The following EPHA5 variants were observed in gnomAD, a reference collection of about 807,000 sequenced individuals.
The protein encoded by EPHA5 is ephrin type-A receptor 5.
A neutral mutation model predicts 105.0 loss-of-function variants in EPHA5; 60 were observed. The observed-to-expected ratio is 0.57, with a 90% CI of 0.46 to 0.71. The LOEUF is 0.71. Ranked by LOEUF, EPHA5 falls within the 30% of genes least tolerant of loss-of-function variation. The pLI is 0.00. For missense variants in EPHA5, 1,218 were observed against 1,274.7 expected, an observed-to-expected ratio of 0.96 and a Z score of 0.68; for synonymous variants, 513 against 449.1, an observed-to-expected ratio of 1.14 and a Z score of -1.80.
chr4:65,538,200 C>T (rs1278754058), intron 3 of EPHA5, among the ~76,000 whole-genome samples: 1 of 151,692 alleles, frequency 6.6e-6, no homozygotes, highest in Non-Finnish European at 1.5e-5. Flanking sequence ...GGAGATATAT[C>T]TAATTGCCAA....
chr4:65,350,954 G>A (rs1722754248), intron 13 of EPHA5, among the ~76,000 whole-genome samples: 1 of 151,850 alleles, frequency 6.6e-6, no homozygotes, highest in South Asian at 2.1e-4. Context: ...GTATAATGCA[G>A]AGAGCTTAAA....
chr4:65,508,758 A>G (rs956939082), intron 3 of EPHA5, among the ~76,000 whole-genome samples: 11 of 152,082 alleles, frequency 7.2e-5, no homozygotes, highest in Admixed American at 1.3e-4. Flanking sequence ...TTTTAAAAGC[A>G]TAGATAGCTA....
chr4:65,538,843 G>T (rs1736545548), intron 3 of EPHA5, among the ~76,000 whole-genome samples: 1 of 151,582 alleles, frequency 6.6e-6, no homozygotes, highest in Non-Finnish European at 1.5e-5. Context: ...GACTTCTTTT[G>T]CCCTCTTGTC....
At chr4:65,492,306 ACT>A (rs1731483801) in intron 4 of EPHA5, among the ~76,000 whole-genome samples, 1 of 150,902 alleles carries the variant, frequency 6.6e-6, no homozygotes, top group Non-Finnish European at 1.5e-5. Context: ...GGTTCAAATG[ACT>A]CTCCTGCCTC....
intron 1 of EPHA5, among the ~76,000 whole-genome samples, chr4:65,655,573 G>T (rs1309181693): frequency 6.6e-6 from 1 of 152,010 alleles, no homozygotes; most frequent in Admixed American, 6.6e-5. Flanking sequence ...TGATATAATT[G>T]CAAACTAGTT....
At chr4:65,451,274 A>G (rs904195538) in intron 5 of EPHA5, among the ~76,000 whole-genome samples, 1 of 152,164 alleles carries the variant, frequency 6.6e-6, no homozygotes, top group Non-Finnish European at 1.5e-5. Flanking sequence ...ATTTGTTCTT[A>G]CAATATGTTT....
At chr4:65,613,588 T>A (rs1744967914) in intron 2 of EPHA5, among the ~76,000 whole-genome samples, 1 of 152,066 alleles carries the variant, frequency 6.6e-6, no homozygotes, top group African/African-American at 2.4e-5. Context: ...GAGATTTTTT[T>A]AGCCACTTAG....
chr4:65,462,728 A>G (rs1728245909), intron 5 of EPHA5, among the ~76,000 whole-genome samples: 1 of 152,220 alleles, frequency 6.6e-6, no homozygotes, highest in Admixed American at 6.5e-5. Flanking sequence ...GGCATTAGCA[A>G]TAGAATTTAT....
intron 5 of EPHA5, among the ~76,000 whole-genome samples, chr4:65,479,572 G>A (rs1433423712): frequency 6.6e-6 from 1 of 152,112 alleles, no homozygotes; most frequent in African/African-American, 2.4e-5. Flanking sequence ...TCTCATATTT[G>A]AGAAAACAAT....
chr4:65,362,241 TC>T (rs5858956), intron 11 of EPHA5, among the ~76,000 whole-genome samples: 76,458 of 151,286 alleles, frequency 0.51, 19,921 homozygotes, highest in East Asian at 0.78. Context: ...TACTTCAGAC[TC>T]CCTACCTCAA....
intron 3 of EPHA5, among the ~76,000 whole-genome samples, chr4:65,574,484 T>A (rs1740595015): frequency 6.7e-6 from 1 of 149,236 alleles, no homozygotes; most frequent in Non-Finnish European, 1.5e-5. Flanking sequence ...GTTAAATATT[T>A]GTGTAAATAA....
intron 3 of EPHA5, chr4:65,574,363 A>C (rs1339890043): frequency 1.1e-6 from 1 of 925,022 alleles, no homozygotes; most frequent in Non-Finnish European, 1.5e-6. Flanking sequence ...GCTGACTACA[A>C]AAAAAAAATA....
rs1719740221 is a variant in EPHA5 at position 65,322,780 on chromosome 4, T to A, written c.*1334A>T. Reference sequence around the variant, plus strand: ...AAACATCCATTAAAAATAAAACTTATCAATTATTGAAATAAAATTCTGAAG... The same window carrying A: ...AAACATCCATTAAAAATAAAACTTAACAATTATTGAAATAAAATTCTGAAG... On this transcript the variant is annotated 3_prime_UTR_variant, in exon 17 of 17. Transcript: ENST00000613740. 4.4e-6 allele frequency: 1 copy of A among 227,728 alleles called. No individual in the cohort carries two copies. Among genetic ancestry groups the A allele is most frequent in the Admixed American group, 5.7e-5 (1 of 17,514 alleles). 14.1% of individuals were successfully genotyped at this position (227,728 alleles called of 1,614,324 possible). A position where few individuals can be genotyped will look rare whatever the true frequency, so the allele number is the denominator to read the frequency against.
intron 3 of EPHA5, among the ~76,000 whole-genome samples, chr4:65,584,784 T>C (rs752676942): frequency 6.6e-6 from 1 of 151,996 alleles, no homozygotes; most frequent in African/African-American, 2.4e-5. Flanking sequence ...TAAGTGTTCT[T>C]GAGATTTTTA....
intron 3 of EPHA5, among the ~76,000 whole-genome samples, chr4:65,530,013 A>C (rs1332342286): frequency 5.9e-5 from 9 of 152,140 alleles, no homozygotes; most frequent in Admixed American, 5.9e-4. Context: ...AAAAAACATA[A>C]CTATGTGTCC....
intron 8 of EPHA5, among the ~76,000 whole-genome samples, chr4:65,375,240 G>A (rs1718878168): frequency 6.6e-6 from 1 of 151,626 alleles, no homozygotes; most frequent in African/African-American, 2.4e-5. Flanking sequence ...CATGAAGACT[G>A]GTAGCATTTT....
chr4:65,385,440 T>C (rs1043643474), intron 8 of EPHA5, among the ~76,000 whole-genome samples: 1 of 151,904 alleles, frequency 6.6e-6, no homozygotes, highest in Non-Finnish European at 1.5e-5. Context: ...ACTCAAGGAA[T>C]GTGTGTATTT....
intron 2 of EPHA5, among the ~76,000 whole-genome samples, chr4:65,618,873 G>T (rs1308370856): frequency 2.0e-5 from 3 of 152,164 alleles, no homozygotes; most frequent in Non-Finnish European, 2.9e-5. Flanking sequence ...TAAACTAATT[G>T]GTTGGGCGCG....
rs189612554 is a variant in EPHA5 at position 65,541,035 on chromosome 4, G to C, written c.911-45492C>G. Among the ~76,000 whole-genome samples the C allele has an allele frequency of 4.6e-5, 7 of 151,232 alleles. No homozygotes were observed. The South Asian group carries it at 1.2e-3, about 27-fold the overall frequency. On this transcript the variant is annotated intron_variant, in intron 3 of 16. Transcript: ENST00000613740. ...AATATCTCTCTCTTGCTCTCTCTCT[G>C]TCTGCACCTCCCTCCCTCCTTCCCC...
Sources: gnomAD v4.1 joint callset for allele counts (sites outside exome capture counted in the v4.1 genomes callset) on GRCh38, gnomAD v4.1.1 for gene constraint, MANE v1.5 for transcripts, NCBI Gene and HGNC (gene_info 2026-07-23, HGNC 2026-07-21) for gene names.